TMEM132D: variants seen among roughly 807,000 people sequenced by gnomAD.
TMEM132D encodes the protein mature OL transmembrane protein.
TMEM132D carries 21 observed loss-of-function variants against 62.3 expected under a neutral mutation model. That is an observed-to-expected ratio of 0.34 (90% CI 0.24 to 0.49). The LOEUF (loss-of-function observed/expected upper bound fraction) is 0.49. TMEM132D is among the 20% of genes least tolerant of loss of function. The pLI is 0.99. For missense variants in TMEM132D, 1,346 were observed against 1,402.8 expected (o/e 0.96, Z 0.65); for synonymous variants, 621 against 575.6 (o/e 1.08, Z -1.13).
intron 4 of TMEM132D, among the ~76,000 whole-genome samples, chr12:129,248,658 G>C (rs1344333447): frequency 6.6e-6 from 1 of 151,988 alleles, no homozygotes; most frequent in Non-Finnish European, 1.5e-5. Flanking sequence ...TCATCACCCA[G>C]GTATTAAGCC....
chr12:129,524,161 G>A (rs906100946), intron 3 of TMEM132D, among the ~76,000 whole-genome samples: 1 of 151,646 alleles, frequency 6.6e-6, no homozygotes. Flanking sequence ...CAGCACACCA[G>A]CATGGCCCAT....
At chr12:129,670,612 A>G (rs1220354224) in intron 2 of TMEM132D, among the ~76,000 whole-genome samples, 1 of 151,906 alleles carries the variant, frequency 6.6e-6, no homozygotes, top group African/African-American at 2.4e-5. Flanking sequence ...TAAAAACTCT[A>G]CTCCCCGAAT....
At chr12:129,579,063 T>A (rs1182411273) in intron 2 of TMEM132D, among the ~76,000 whole-genome samples, 1 of 152,220 alleles carries the variant, frequency 6.6e-6, no homozygotes, top group Non-Finnish European at 1.5e-5. Context: ...AAGTACTTGG[T>A]AGTAGGTGTT....
At chr12:129,607,745 G>A (rs990760975) in intron 2 of TMEM132D, among the ~76,000 whole-genome samples, 2 of 152,136 alleles carry the variant, frequency 1.3e-5, no homozygotes, top group East Asian at 1.9e-4. Context: ...AAATGAAGAC[G>A]TATTTTTAAA....
intron 3 of TMEM132D, among the ~76,000 whole-genome samples, chr12:129,508,974 T>C (rs1333179559): frequency 6.6e-6 from 1 of 152,162 alleles, no homozygotes; most frequent in East Asian, 1.9e-4. Context: ...TTTGAAAACA[T>C]AGTGTGGGTG....
intron 5 of TMEM132D, among the ~76,000 whole-genome samples, chr12:129,184,412 T>G (rs1029674926): frequency 6.6e-6 from 1 of 152,186 alleles, no homozygotes; most frequent in Non-Finnish European, 1.5e-5. Flanking sequence ...GCGGGCTGTT[T>G]ACAAACAAAA....
chr12:129,284,061 T>G (rs1008854685), intron 4 of TMEM132D, among the ~76,000 whole-genome samples: 1 of 152,276 alleles, frequency 6.6e-6, no homozygotes, highest in East Asian at 1.9e-4. Flanking sequence ...GGCTCTCCTG[T>G]GCAGCCTTGG....
At chr12:129,696,583 T>C (rs181567854) in intron 2 of TMEM132D, among the ~76,000 whole-genome samples, 88 of 152,320 alleles carry the variant, frequency 5.8e-4, no homozygotes, top group South Asian at 2.3e-3. Flanking sequence ...CAGAGCTCTT[T>C]GGAAACGGAC....
chr12:129,198,584 C>T (rs1171139546), intron 5 of TMEM132D, among the ~76,000 whole-genome samples: 1 of 152,176 alleles, frequency 6.6e-6, no homozygotes, highest in Non-Finnish European at 1.5e-5. Flanking sequence ...TGCATGTTCT[C>T]ATTTGTGGAA....
intron 3 of TMEM132D, among the ~76,000 whole-genome samples, chr12:129,491,291 C>A (rs1463465187): frequency 6.6e-6 from 1 of 152,200 alleles, no homozygotes; most frequent in Non-Finnish European, 1.5e-5. Context: ...CCCACGGCAA[C>A]AAACAACAAC....
chr12:129,153,467 T>G (rs1877137990), intron 5 of TMEM132D, among the ~76,000 whole-genome samples: 1 of 152,008 alleles, frequency 6.6e-6, no homozygotes, highest in Non-Finnish European at 1.5e-5. Context: ...TGGGTCATCG[T>G]GAAATGTCAG....
At chr12:129,432,033 C>T (rs1011364233) in intron 3 of TMEM132D, among the ~76,000 whole-genome samples, 50 of 152,352 alleles carry the variant, frequency 3.3e-4, no homozygotes, top group African/African-American at 1.1e-3. Context: ...TCACCCTGAC[C>T]ACAATTCTAT....
intron 5 of TMEM132D, among the ~76,000 whole-genome samples, chr12:129,203,077 T>C (rs765596381): frequency 5.9e-5 from 9 of 152,194 alleles, no homozygotes; most frequent in African/African-American, 9.6e-5. Flanking sequence ...GTAACCTAAC[T>C]GCACGTTCAA....
In TMEM132D at chr12:129,073,687, T is replaced by C; in HGVS notation, c.*188A>G. On this transcript the variant is annotated 3_prime_UTR_variant, in exon 9 of 9. Transcript: ENST00000422113. ...ACCTCTTAAGCAAGACACTGTACTCTGGAATGTGTGCGTCGATGCGGACTC... is the reference window on the plus strand; with the variant it reads ...ACCTCTTAAGCAAGACACTGTACTCCGGAATGTGTGCGTCGATGCGGACTC... The C allele has an allele frequency of 1.8e-6, 1 of 543,672 alleles. No homozygotes were observed. The highest frequency in any genetic ancestry group is 3.2e-6 in the Non-Finnish European group (1 of 311,752). 33.7% of individuals were successfully genotyped at this position (543,672 alleles called of 1,614,324 possible). A position where few individuals can be genotyped will look rare whatever the true frequency, so the allele number is the denominator to read the frequency against.
chr12:129,839,043 C>T (rs1192781044), intron 1 of TMEM132D, among the ~76,000 whole-genome samples: 2 of 147,380 alleles, frequency 1.4e-5, no homozygotes, highest in South Asian at 2.1e-4. Flanking sequence ...CCTCCACCAC[C>T]GGTTTTGAGA....
At chr12:129,183,520 T>A (rs949319851) in intron 5 of TMEM132D, among the ~76,000 whole-genome samples, 1 of 152,260 alleles carries the variant, frequency 6.6e-6, no homozygotes, top group African/African-American at 2.4e-5. Context: ...ACAGGATTTC[T>A]AGAAGGAGCC....
chr12:129,673,929 G>A (rs879532567), intron 2 of TMEM132D, among the ~76,000 whole-genome samples: 16 of 152,056 alleles, frequency 1.1e-4, no homozygotes, highest in Non-Finnish European at 1.6e-4. Flanking sequence ...AAGGTGACAC[G>A]GGTAGGAAAA....
intron 3 of TMEM132D, among the ~76,000 whole-genome samples, chr12:129,472,675 G>A (rs1469744467): frequency 6.6e-6 from 1 of 152,162 alleles, no homozygotes; most frequent in Non-Finnish European, 1.5e-5. Context: ...TGTGGACATA[G>A]TTGAAATGAC....
chr12:129,852,630 G>A (rs1299988365), intron 1 of TMEM132D: 3 of 152,218 alleles, frequency 2.0e-5, no homozygotes, highest in Non-Finnish European at 4.4e-5. Flanking sequence ...CAAGCCTATT[G>A]TGTATTTAGG....
Sources: gnomAD v4.1 joint callset for allele counts (sites outside exome capture counted in the v4.1 genomes callset) on GRCh38, gnomAD v4.1.1 for gene constraint, MANE v1.5 for transcripts, NCBI Gene and HGNC (gene_info 2026-07-23, HGNC 2026-07-21) for gene names.